Variants in TASL observed in about 807,000 individuals in gnomAD.
TASL encodes the protein TLR adapter interacting with SLC15A4 on the lysosome.
A neutral mutation model predicts 12.9 loss-of-function variants in TASL; 6 were observed. That is an observed-to-expected ratio of 0.46 (90% confidence interval 0.25 to 0.92). TASL has a LOEUF of 0.92. Ranked by LOEUF, TASL falls within the 40% of genes least tolerant of loss-of-function variation. TASL has a pLI of 0.17. For synonymous variants in TASL, 85 were observed against 79.3 expected (o/e 1.07, Z -0.38); for missense variants, 165 against 212.8 (o/e 0.78, Z 1.40).
intron 2 of TASL, among the ~76,000 whole-genome samples, chrX:30,575,504 A>G (rs1318463923): frequency 2.7e-5 from 3 of 111,697 alleles, no homozygotes; most frequent in Non-Finnish European, 5.7e-5. Context: ...TTCAGCTTGT[A>G]TTGAATTTAT....
At chrX:30,565,051 T>C (rs1302371179) in intron 2 of TASL, among the ~76,000 whole-genome samples, 1 of 111,932 alleles carries the variant, frequency 8.9e-6, no homozygotes, top group Non-Finnish European at 1.9e-5. Context: ...TTACAGAGTC[T>C]GCACAGGCTC....
At chrX:30,566,885 A>G (rs928603247) in intron 2 of TASL, among the ~76,000 whole-genome samples, 1 of 112,070 alleles carries the variant, frequency 8.9e-6, no homozygotes, top group African/African-American at 3.2e-5. Flanking sequence ...TGAAATTTTA[A>G]TTTGATTTAA....
At chrX:30,573,908 A>T (rs769989773) in intron 2 of TASL, among the ~76,000 whole-genome samples, 3 of 111,447 alleles carry the variant, frequency 2.7e-5, no homozygotes, top group Non-Finnish European at 5.7e-5. Context: ...ACAGAGCAAG[A>T]CTCCATCTCA....
chrX:30,565,911 C>G (rs558840324), intron 2 of TASL, among the ~76,000 whole-genome samples: 1 of 109,681 alleles, frequency 9.1e-6, no homozygotes, highest in South Asian at 4.0e-4. Context: ...GCTGGGACCA[C>G]AGGTGCACGC....
At chrX:30,577,559 A>C (rs185427811) in intron 1 of TASL, 79 bp downstream of exon 1, 19 of 112,133 alleles carry the variant, frequency 1.7e-4, no homozygotes, top group African/African-American at 6.2e-4. Context: ...TCTCGTGATA[A>C]AGGGCTAAGA....
chrX:30,564,005 C>T (rs1179346611), intron 2 of TASL, among the ~76,000 whole-genome samples: 2 of 111,395 alleles, frequency 1.8e-5, no homozygotes, highest in Non-Finnish European at 3.8e-5. Flanking sequence ...GAGGAAAAGT[C>T]TGATATGAGA....
At chrX:30,576,251 G>A (rs1031661458) in intron 2 of TASL, among the ~76,000 whole-genome samples, 1 of 111,731 alleles carries the variant, frequency 9.0e-6, no homozygotes, top group African/African-American at 3.2e-5. Flanking sequence ...ATGTGTTATA[G>A]AAGACTGCCT....
At chrX:30,573,288 C>T (rs1029103583) in intron 2 of TASL, among the ~76,000 whole-genome samples, 1 of 112,111 alleles carries the variant, frequency 8.9e-6, no homozygotes, top group African/African-American at 3.2e-5. Context: ...GTTAGTATCA[C>T]GCAGTCATAA....
intron 2 of TASL, among the ~76,000 whole-genome samples, chrX:30,567,436 A>G (rs1346103575): frequency 1.8e-5 from 2 of 112,197 alleles, no homozygotes; most frequent in South Asian, 3.6e-4. Flanking sequence ...ATCTAACTCA[A>G]TTTAAAATAT....
At chrX:30,571,411 G>A (rs979280578) in intron 2 of TASL, among the ~76,000 whole-genome samples, 1 of 110,230 alleles carries the variant, frequency 9.1e-6, no homozygotes, top group African/African-American at 3.3e-5. Flanking sequence ...CTCAGGTCAG[G>A]AGTTTGAGAC....
Position 30,559,082 on chromosome X carries a change from A to G in TASL, c.*368T>C, listed in dbSNP as rs1212478617. On this transcript the variant is annotated 3_prime_UTR_variant, in exon 3 of 3. Transcript: ENST00000378962. ...CATCAGCCTCCGAAATGCTGGGATTACAGGCGTGAGCCACTACACCCGGCC... is the reference window on the plus strand; with the variant it reads ...CATCAGCCTCCGAAATGCTGGGATTGCAGGCGTGAGCCACTACACCCGGCC... 4.7e-5 allele frequency: 6 copies of G among 127,736 alleles called. No individual in the cohort carries two copies. In the Admixed American group the frequency reaches 5.1e-4, roughly 11 times the overall value. 10.5% of individuals were successfully genotyped at this position (127,736 alleles called of 1,213,427 possible). A position where few individuals can be genotyped will look rare whatever the true frequency, so the allele number is the denominator to read the frequency against.
chrX:30,563,690 T>C (rs1930460143), intron 2 of TASL, among the ~76,000 whole-genome samples: 1 of 111,622 alleles, frequency 9.0e-6, no homozygotes, highest in Non-Finnish European at 1.9e-5. Flanking sequence ...CAGTTGAGGG[T>C]AAAGTTACTG....
intron 2 of TASL, among the ~76,000 whole-genome samples, chrX:30,574,565 A>T (rs1225032999): frequency 9.0e-6 from 1 of 111,173 alleles, no homozygotes; most frequent in Admixed American, 9.6e-5. Flanking sequence ...CGCAAAAACT[A>T]TTAGTGGCCA....
chrX:30,568,141 G>A (rs1286542907), intron 2 of TASL, among the ~76,000 whole-genome samples: 1 of 111,043 alleles, frequency 9.0e-6, no homozygotes, highest in African/African-American at 3.3e-5. Flanking sequence ...AGGAGGCTGA[G>A]GCAGGAGAAT....
chrX:30,568,074 TA>T (rs1178824927), intron 2 of TASL, among the ~76,000 whole-genome samples: 2 of 110,811 alleles, frequency 1.8e-5, no homozygotes, highest in Non-Finnish European at 3.8e-5. Flanking sequence ...CCATCTCTAC[TA>T]AAAAATACAT....
chrX:30,563,051 G>C (rs1207447276), intron 2 of TASL, among the ~76,000 whole-genome samples: 1 of 110,671 alleles, frequency 9.0e-6, no homozygotes, highest in Non-Finnish European at 1.9e-5. Flanking sequence ...TCTTACAAGA[G>C]CCATGGTGAT....
intron 2 of TASL, among the ~76,000 whole-genome samples, chrX:30,570,802 T>A (rs1323946390): frequency 8.9e-6 from 1 of 112,000 alleles, no homozygotes; most frequent in Non-Finnish European, 1.9e-5. Context: ...CAAAAATACA[T>A]ATATTAACAC....
In TASL at chrX:30,559,771, C is replaced by G. The variant is rs950582378; in HGVS notation, c.585G>C (p.Glu195Asp). The G allele has an allele frequency of 8.3e-7, 1 of 1,209,290 alleles. No homozygotes were observed. Among genetic ancestry groups the G allele is most frequent in the African/African-American group, 1.7e-5 (1 of 57,202 alleles). The stretch of plus-strand genomic sequence containing the variant: ...GATTCTGCATTTGCAAGCTGCTTTT[C>G]TCTTTGATGCTTGTTATTCTCCAAT... ...SSYWRITSIK[E>D]KSSLQMQNPI... The change falls in exon 3 of 3, where the codon GAG (glutamate) becomes GAC (aspartate). Residue 195 changes from glutamate to aspartate, a missense_variant. Physicochemically the swap from Glu to Asp is conservative, Grantham distance 45 (BLOSUM62 2). Coordinates refer to ENST00000378962, the MANE Select transcript of TASL (RefSeq NM_025159.3).
At chrX:30,566,037 C>T (rs1930492701) in intron 2 of TASL, among the ~76,000 whole-genome samples, 1 of 110,484 alleles carries the variant, frequency 9.1e-6, no homozygotes, top group African/African-American at 3.3e-5. Flanking sequence ...TCCCAAAGTG[C>T]TGGGATTACA....
Sources: allele counts gnomAD v4.1 joint callset (sites outside exome capture counted in the v4.1 genomes callset), GRCh38; gene constraint gnomAD v4.1.1; transcripts MANE v1.5; gene names NCBI Gene and HGNC (gene_info 2026-07-23, HGNC 2026-07-21).